The following DLGAP2 variants were observed in gnomAD, a reference collection of about 807,000 sequenced individuals.
The protein encoded by DLGAP2 is disks large-associated protein 2.
In DLGAP2, 26 loss-of-function variants were observed where a neutral mutation model predicts 100.3. The observed-to-expected ratio is 0.26, with a 90% confidence interval of 0.19 to 0.36. The LOEUF is 0.36. DLGAP2 is among the 10% of genes least tolerant of loss of function. The pLI, the probability that DLGAP2 is intolerant of heterozygous loss-of-function variation, is 1.00. For missense variants in DLGAP2, 1,858 were observed against 1,453.2 expected (o/e 1.28, Z -4.53); for synonymous variants, 886 against 630.1 (o/e 1.41, Z -6.08).
intron 3 of DLGAP2, among the ~76,000 whole-genome samples, chr8:1,282,454 C>CG (rs1799837213): frequency 8.2e-6 from 1 of 122,100 alleles, no homozygotes. Context: ...CTGAACCCAG[C>CG]ACATGAACCA....
At chr8:1,341,563 A>AG (rs1349201750) in intron 3 of DLGAP2, among the ~76,000 whole-genome samples, 1 of 152,244 alleles carries the variant, frequency 6.6e-6, no homozygotes, top group Non-Finnish European at 1.5e-5. Flanking sequence ...AGAGATGGGA[A>AG]GGAGATGACT....
intron 2 of DLGAP2, among the ~76,000 whole-genome samples, chr8:1,059,910 G>T (rs559910520): frequency 6.6e-6 from 1 of 152,320 alleles, no homozygotes; most frequent in Admixed American, 6.5e-5. Flanking sequence ...GGCCCCGGGG[G>T]CATGGATCGG....
rs187228312 is a variant in DLGAP2, at chr8:1,174,485, A to G, written c.74-84366A>G. Among the ~76,000 whole-genome samples, 416 of 152,130 alleles carry G rather than the reference A, an allele frequency of 2.7e-3. 8 individuals are homozygous for G. Among genetic ancestry groups the G allele is most frequent in the Non-Finnish European group, 6.3e-4 (43 of 68,010 alleles). On this transcript the variant is annotated intron_variant, in intron 2 of 14. Coordinates refer to ENST00000637795, the MANE Select transcript of DLGAP2 (RefSeq NM_001346810.2). ...CGTCATCATTACCATTACCATCATC[A>G]TCATCATTACCATCATCAAAGTCAT...
At chr8:1,154,207 C>T (rs532057602) in intron 2 of DLGAP2, among the ~76,000 whole-genome samples, 8 of 152,134 alleles carry the variant, frequency 5.3e-5, no homozygotes, top group East Asian at 1.9e-4. Flanking sequence ...ATCACTACGG[C>T]GTCGTCCAAG....
At chr8:905,872 CAAT>C (rs1203406791) in intron 1 of DLGAP2, among the ~76,000 whole-genome samples, 2 of 150,792 alleles carry the variant, frequency 1.3e-5, no homozygotes, top group African/African-American at 4.9e-5. Context: ...CGGCCCTTTC[CAAT>C]ACTGTCGCCA....
intron 1 of DLGAP2, among the ~76,000 whole-genome samples, chr8:781,038 C>A (rs569587722): frequency 2.6e-5 from 4 of 152,280 alleles, no homozygotes; most frequent in Admixed American, 2.6e-4. Flanking sequence ...CATTTTGTAG[C>A]TTTGTTTCAG....
At position 920,772 on chromosome 8, in the gene DLGAP2, G is replaced by A. The variant is rs542537690; in HGVS notation, c.73+12806G>A. Among the ~76,000 whole-genome samples, 256 of 152,210 alleles carry A rather than the reference G, an allele frequency of 1.7e-3. 1 individual carries two copies. Among genetic ancestry groups the A allele is most frequent in the Middle Eastern group, 3.4e-3 (1 of 294 alleles). On this transcript the variant is annotated intron_variant, in intron 2 of 14. Transcript: ENST00000637795. ...TGCACACCAGCCTGGGTGACAGAGC[G>A]GAACCCTGTCTCAAAAGATATAAAA...
intron 2 of DLGAP2, among the ~76,000 whole-genome samples, chr8:1,194,933 T>G (rs903785596): frequency 6.6e-6 from 1 of 152,228 alleles, no homozygotes; most frequent in African/African-American, 2.4e-5. Context: ...AGTTGTCAAC[T>G]ACCAACGGAC....
At chr8:1,078,343 T>C (rs747515961) in intron 2 of DLGAP2, among the ~76,000 whole-genome samples, 1 of 152,230 alleles carries the variant, frequency 6.6e-6, no homozygotes, top group Non-Finnish European at 1.5e-5. Context: ...ATTCCATTTC[T>C]CTGCTGTTAG....
chr8:1,363,457 C>T (rs934917638), intron 3 of DLGAP2, among the ~76,000 whole-genome samples: 14 of 152,242 alleles, frequency 9.2e-5, no homozygotes, highest in African/African-American at 2.7e-4. Context: ...GTCCCCCACA[C>T]GCGTTTCCTC....
chr8:1,380,921 T>C (rs1177177219), intron 3 of DLGAP2: 1 of 134,550 alleles, frequency 7.4e-6, no homozygotes, highest in Non-Finnish European at 1.5e-5. Context: ...CCGGTTAGGA[T>C]GTTTTGAACA....
At chr8:1,055,831 G>C (rs1011887766) in intron 2 of DLGAP2, among the ~76,000 whole-genome samples, 7 of 152,218 alleles carry the variant, frequency 4.6e-5, no homozygotes, top group African/African-American at 1.4e-4. Flanking sequence ...ATTTGGGCTT[G>C]AATCCTGATT....
At chr8:1,384,252 G>C (rs1284273689) in intron 3 of DLGAP2, among the ~76,000 whole-genome samples, 2 of 152,260 alleles carry the variant, frequency 1.3e-5, no homozygotes, top group East Asian at 1.9e-4. Flanking sequence ...GAAAAAGCAA[G>C]AATTGTGACT....
At position 1,145,851 on chromosome 8, in the gene DLGAP2, A is replaced by G. The variant is rs546904322; in HGVS notation, c.74-113000A>G. On this transcript the variant is annotated intron_variant, in intron 2 of 14. Coordinates refer to ENST00000637795, the MANE Select transcript of DLGAP2 (RefSeq NM_001346810.2). ...ATTGTTCAATTCCCACCTATGAGTG[A>G]GAATATGCGGTGTTTGGTTTTTTGT... is the stretch of plus-strand genomic sequence containing the variant. Among the ~76,000 whole-genome samples, 749 of 143,690 alleles carry G rather than the reference A, an allele frequency of 5.2e-3. 6 individuals carry two copies. The highest frequency in any genetic ancestry group is 0.018 in the African/African-American group (689 of 37,916). 94.3% of individuals were successfully genotyped at this position (143,690 alleles called of 152,430 possible).
At chr8:1,512,185 G>T (rs1394554851) in intron 4 of DLGAP2, among the ~76,000 whole-genome samples, 1 of 152,220 alleles carries the variant, frequency 6.6e-6, no homozygotes, top group Non-Finnish European at 1.5e-5. Flanking sequence ...CACTCACGTT[G>T]CAGAAAGCCT....
intron 2 of DLGAP2, among the ~76,000 whole-genome samples, chr8:1,083,206 G>T (rs1483463617): frequency 6.6e-6 from 1 of 152,132 alleles, no homozygotes; most frequent in South Asian, 2.1e-4. Flanking sequence ...CTCTACAGGG[G>T]CATCGCGTAA....
chr8:890,230 T>C (rs1425526678), intron 1 of DLGAP2, among the ~76,000 whole-genome samples: 1 of 152,174 alleles, frequency 6.6e-6, no homozygotes, highest in East Asian at 1.9e-4. Flanking sequence ...GCGTTTAGTT[T>C]CTGATACAGA....
chr8:1,464,316 A>G (rs77534150), intron 3 of DLGAP2, among the ~76,000 whole-genome samples: 5,449 of 49,688 alleles, frequency 0.11, 416 homozygotes, highest in East Asian at 0.27. Context: ...CTTCCAGGAC[A>G]ACGCCCTTCC....
chr8:1,668,289 A>G (rs538399679), intron 8 of DLGAP2, 40 bp from the exon 9 acceptor site: 2 of 1,441,806 alleles, frequency 1.4e-6, no homozygotes, highest in East Asian at 2.5e-5. Context: ...GCTGACGGGG[A>G]AGAACACGCC....
Sources: gnomAD v4.1 joint callset for allele counts (sites outside exome capture counted in the v4.1 genomes callset) on GRCh38, gnomAD v4.1.1 for gene constraint, MANE v1.5 for transcripts, NCBI Gene and HGNC (gene_info 2026-07-23, HGNC 2026-07-21) for gene names.